Variants in GPR158 observed in about 807,000 individuals in gnomAD.
GPR158 encodes metabotropic glycine receptor.
In GPR158, 30 loss-of-function variants were observed where a neutral mutation model predicts 78.2. The observed-to-expected ratio is 0.38, with a 90% CI of 0.29 to 0.52. GPR158 has a LOEUF of 0.52. Among genes scored for constraint, GPR158 ranks in the 20% least tolerant of loss-of-function variants. The pLI is 0.83. For synonymous variants in GPR158, 581 were observed against 591.1 expected (o/e 0.98, Z 0.25); for missense variants, 1,463 against 1,523.5 (o/e 0.96, Z 0.66).
chr10:25,291,364 T>A (rs1347165260), intron 2 of GPR158, among the ~76,000 whole-genome samples: 1 of 152,060 alleles, frequency 6.6e-6, no homozygotes, highest in Non-Finnish European at 1.5e-5. Flanking sequence ...ATTTATCGTG[T>A]CTAGTAGATT....
At chr10:25,566,688 C>A (rs1182470930) in intron 6 of GPR158, among the ~76,000 whole-genome samples, 1 of 152,212 alleles carries the variant, frequency 6.6e-6, no homozygotes, top group African/African-American at 2.4e-5. Context: ...ACTTAATATA[C>A]TCACAATAAA....
At chr10:25,329,272 T>TA (rs1855083730) in intron 2 of GPR158, among the ~76,000 whole-genome samples, 2 of 151,530 alleles carry the variant, frequency 1.3e-5, no homozygotes, top group Non-Finnish European at 2.9e-5. Flanking sequence ...CTGTCTCTAC[T>TA]AAAAATACAA....
chr10:25,488,963 C>G (rs897370481), intron 5 of GPR158, among the ~76,000 whole-genome samples: 2 of 151,968 alleles, frequency 1.3e-5, no homozygotes, highest in Non-Finnish European at 2.9e-5. Flanking sequence ...TGATTTTACT[C>G]TAGGATGCAT....
chr10:25,498,696 A>G (rs1010702869), intron 5 of GPR158, among the ~76,000 whole-genome samples: 3 of 152,176 alleles, frequency 2.0e-5, no homozygotes, highest in African/African-American at 7.2e-5. Context: ...AGAAGTAGAT[A>G]TTACATATGA....
Position 25,423,674 on chromosome 10 carries a change from G to A in GPR158, c.1335+11201G>A, listed in dbSNP as rs182061245. ...CCTGAGATAGTTTGCCAAGAATGAT[G>A]GTTTCCAGCTTCATCCATGTCCCTA... On this transcript the variant is annotated intron_variant, in intron 4 of 10. Coordinates refer to ENST00000376351, the MANE Select transcript of GPR158 (RefSeq NM_020752.3). Among the ~76,000 whole-genome samples, 379 of 152,130 alleles carry A rather than the reference G, an allele frequency of 2.5e-3. 2 individuals are homozygous for A. The highest frequency in any genetic ancestry group is 8.5e-3 in the African/African-American group (352 of 41,490).
chr10:25,477,040 A>C (rs1367663652), intron 5 of GPR158, among the ~76,000 whole-genome samples: 2 of 151,914 alleles, frequency 1.3e-5, no homozygotes, highest in Non-Finnish European at 2.9e-5. Flanking sequence ...GTGGTGTAGA[A>C]CCTATGTCAG....
intron 2 of GPR158, among the ~76,000 whole-genome samples, chr10:25,360,530 T>C (rs1564432519): frequency 6.6e-6 from 1 of 151,446 alleles, no homozygotes. Flanking sequence ...TTGCTTGTTT[T>C]TGTCGGGTTT....
At chr10:25,334,133 GT>G (rs1855164807) in intron 2 of GPR158, among the ~76,000 whole-genome samples, 2 of 152,130 alleles carry the variant, frequency 1.3e-5, no homozygotes, top group Admixed American at 6.6e-5. Flanking sequence ...TGTATAAAAA[GT>G]TAAAATGGAA....
chr10:25,597,881 G>T lies in GPR158; in HGVS notation c.2255G>T (p.Arg752Leu), dbSNP rs774770845. ...CGGTGCTCGAAGAAGGGCCTAGGTCGTTCCATCATGAGACGCATTACGGAG... is the reference window on the plus strand; with the variant it reads ...CGGTGCTCGAAGAAGGGCCTAGGTCTTTCCATCATGAGACGCATTACGGAG... ...KKRCSKKGLG[R>L]SIMRRITEIP... Residue 752 changes from arginine to leucine, a missense_variant, in exon 11 of 11, where the codon CGT becomes CTT. Transcript: ENST00000376351. 6.2e-7 allele frequency: 1 copy of T among 1,601,790 alleles called. No homozygotes were observed. Among genetic ancestry groups the T allele is most frequent in the Admixed American group, 1.7e-5 (1 of 57,536 alleles).
At chr10:25,366,326 A>G (rs535963174) in intron 2 of GPR158, among the ~76,000 whole-genome samples, 3 of 151,642 alleles carry the variant, frequency 2.0e-5, no homozygotes, top group Non-Finnish European at 3.0e-5. Flanking sequence ...TCCAGATTAC[A>G]TCAATTTATA....
intron 6 of GPR158, among the ~76,000 whole-genome samples, chr10:25,572,243 A>ATGTAAGATATG (rs2130731519): frequency 6.6e-6 from 1 of 152,308 alleles, no homozygotes; most frequent in East Asian, 1.9e-4. Context: ...ATGGACTCTA[A>ATGTAAGATATG]TGTAAGATAT....
chr10:25,279,158 CTGCTACTGCTGA>C (rs1234132612), intron 2 of GPR158, among the ~76,000 whole-genome samples: 1 of 152,072 alleles, frequency 6.6e-6, no homozygotes, highest in East Asian at 1.9e-4. Flanking sequence ...ACTACTGCTG[CTGCTACTGCTGA>C]TGCTGCTGAT....
intron 2 of GPR158, among the ~76,000 whole-genome samples, chr10:25,376,278 GAC>G (rs1430130691): frequency 4.6e-5 from 7 of 151,496 alleles, no homozygotes; most frequent in Admixed American, 1.3e-4. Flanking sequence ...TCCAATTAAA[GAC>G]ACATATATAG....
chr10:25,368,164 T>G (rs1199532837), intron 2 of GPR158, among the ~76,000 whole-genome samples: 1 of 151,890 alleles, frequency 6.6e-6, no homozygotes, highest in Admixed American at 6.6e-5. Flanking sequence ...GATCCTGCCT[T>G]CCTTTTCCTT....
At chr10:25,368,155 A>G (rs1833924943) in intron 2 of GPR158, among the ~76,000 whole-genome samples, 1 of 151,816 alleles carries the variant, frequency 6.6e-6, no homozygotes. Context: ...TGTCTATTTG[A>G]TCCTGCCTTC....
rs1158229845 is a variant in GPR158, at chr10:25,181,293, T to G, written c.902+4971T>G. On this transcript the variant is annotated intron_variant, in intron 1 of 10. Coordinates refer to ENST00000376351, the MANE Select transcript of GPR158 (RefSeq NM_020752.3). ...TAAGCTATGAAGAGTAATGTGAATC[T>G]CCTTTGAAATTCTGTAAAAACTAAA... Among the ~76,000 whole-genome samples the G allele has an allele frequency of 2.0e-5, 3 of 152,216 alleles. 1 individual carries two copies. The highest frequency in any genetic ancestry group is 4.4e-5 in the Non-Finnish European group (3 of 68,036).
intron 4 of GPR158, among the ~76,000 whole-genome samples, chr10:25,440,449 C>T (rs529941822): frequency 4.4e-4 from 67 of 152,318 alleles, no homozygotes; most frequent in Admixed American, 1.3e-3. Context: ...CCATTTTCCC[C>T]TTCAATTTTC....
chr10:25,216,030 A>G (rs1853208028), intron 1 of GPR158, among the ~76,000 whole-genome samples: 1 of 152,094 alleles, frequency 6.6e-6, no homozygotes, highest in Non-Finnish European at 1.5e-5. Context: ...CTCCAATAAC[A>G]TTTTCTTCAT....
chr10:25,310,356 C>A (rs1004965644), intron 2 of GPR158, among the ~76,000 whole-genome samples: 1 of 152,000 alleles, frequency 6.6e-6, no homozygotes, highest in East Asian at 1.9e-4. Context: ...TGTTCTTTTT[C>A]GGGATTGCTT....
Sources: allele counts gnomAD v4.1 joint callset (sites outside exome capture counted in the v4.1 genomes callset), GRCh38; gene constraint gnomAD v4.1.1; transcripts MANE v1.5; gene names NCBI Gene and HGNC (gene_info 2026-07-23, HGNC 2026-07-21).